C1orf21: variants seen among roughly 807,000 people sequenced by gnomAD.
The protein encoded by C1orf21 is uncharacterized protein C1orf21.
In C1orf21, 3 loss-of-function variants were observed where a neutral mutation model predicts 18.7. The ratio of observed to expected loss-of-function variants is 0.16; its 90% CI spans 0.07 to 0.42. The LOEUF is 0.42. Ranked by LOEUF, C1orf21 falls within the 10% of genes least tolerant of loss-of-function variation. C1orf21 has a pLI of 0.99. For missense variants in C1orf21, 104 were observed against 143.6 expected, an observed-to-expected ratio of 0.72 and a Z score of 1.41; for synonymous variants, 41 against 46.4, an observed-to-expected ratio of 0.88 and a Z score of 0.47.
chr1:184,517,333 T>C (rs527561349), intron 3 of C1orf21, among the ~76,000 whole-genome samples: 8 of 152,324 alleles, frequency 5.3e-5, no homozygotes, highest in African/African-American at 1.9e-4. Flanking sequence ...GAGCAGCTAA[T>C]ATAACAGCAA....
intron 1 of C1orf21, among the ~76,000 whole-genome samples, chr1:184,453,574 C>A (rs895656332): frequency 2.0e-5 from 3 of 152,126 alleles, no homozygotes; most frequent in Admixed American, 6.5e-5. Context: ...ATGTTAATAT[C>A]CTCTCTTCTG....
At chr1:184,420,822 T>A (rs76129736) in intron 1 of C1orf21, among the ~76,000 whole-genome samples, 9 of 152,134 alleles carry the variant, frequency 5.9e-5, no homozygotes, top group Admixed American at 3.9e-4. Flanking sequence ...TTTTTTTTTT[T>A]AAATAAGAAA....
At chr1:184,427,938 T>C (rs553552143) in intron 1 of C1orf21, among the ~76,000 whole-genome samples, 2 of 152,300 alleles carry the variant, frequency 1.3e-5, no homozygotes, top group East Asian at 1.9e-4. Context: ...TTATGTCCAC[T>C]GGACTCCAGG....
At chr1:184,399,235 G>A (rs1473035633) in intron 1 of C1orf21, among the ~76,000 whole-genome samples, 1 of 151,052 alleles carries the variant, frequency 6.6e-6, no homozygotes, top group Non-Finnish European at 1.5e-5. Context: ...CTTTGTTGCT[G>A]TTTTTTATTA....
chr1:184,576,746 G>T (rs1659196407), intron 3 of C1orf21, among the ~76,000 whole-genome samples: 1 of 152,230 alleles, frequency 6.6e-6, no homozygotes, highest in Non-Finnish European at 1.5e-5. Context: ...CATGGGTACT[G>T]CTGCCCGAGT....
chr1:184,499,766 A>G (rs1447868348), intron 2 of C1orf21, among the ~76,000 whole-genome samples: 2 of 152,096 alleles, frequency 1.3e-5, no homozygotes, highest in African/African-American at 4.8e-5. Context: ...CTAACCAACC[A>G]AGGACAAATC....
At chr1:184,466,048 G>C (rs1165337566) in intron 1 of C1orf21, among the ~76,000 whole-genome samples, 1 of 152,136 alleles carries the variant, frequency 6.6e-6, no homozygotes, top group African/African-American at 2.4e-5. Flanking sequence ...CTGTAGGAAA[G>C]AACACCATGT....
At chr1:184,547,355 ATT>A in intron 3 of C1orf21, among the ~76,000 whole-genome samples, 1 of 143,236 alleles carries the variant, frequency 7.0e-6, no homozygotes, top group East Asian at 2.0e-4. Flanking sequence ...AAGTTTAATC[ATT>A]CTTTGCTTAT....
intron 1 of C1orf21, among the ~76,000 whole-genome samples, chr1:184,400,375 T>G (rs144777566): frequency 2.3e-3 from 345 of 152,276 alleles, no homozygotes; most frequent in Middle Eastern, 0.017. Flanking sequence ...TGTACATATG[T>G]GTCCACTCAG....
At chr1:184,491,008 A>G (rs1571383211) in intron 2 of C1orf21, among the ~76,000 whole-genome samples, 1 of 152,182 alleles carries the variant, frequency 6.6e-6, no homozygotes, top group Non-Finnish European at 1.5e-5. Context: ...GTGGCTAATC[A>G]TATTAATTTG....
rs144846272 is a variant in C1orf21, at chr1:184,398,204, C to T, written c.-125+10836C>T. Among the ~76,000 whole-genome samples, 265 of 152,330 alleles carry T rather than the reference C, an allele frequency of 1.7e-3. 6 individuals are homozygous for T. Among genetic ancestry groups the T allele is most frequent in the Non-Finnish European group, 3.2e-4 (22 of 68,030 alleles). On this transcript the variant is annotated intron_variant, in intron 1 of 5. Coordinates refer to ENST00000235307, the MANE Select transcript of C1orf21 (RefSeq NM_030806.4). Reference sequence around the variant, plus strand: ...AGCTAACATGTACTGAGTGATGACTCTGTGCCTAGGTACTGTGCTGAGTAC... The same window carrying T: ...AGCTAACATGTACTGAGTGATGACTTTGTGCCTAGGTACTGTGCTGAGTAC...
At chr1:184,580,890 G>A (rs1659265567) in intron 3 of C1orf21, among the ~76,000 whole-genome samples, 1 of 151,928 alleles carries the variant, frequency 6.6e-6, no homozygotes, top group South Asian at 2.1e-4. Context: ...CATAATACAC[G>A]TTTTCCATGA....
intron 4 of C1orf21, among the ~76,000 whole-genome samples, chr1:184,598,080 C>T (rs977402780): frequency 2.6e-5 from 4 of 151,772 alleles, no homozygotes; most frequent in African/African-American, 9.7e-5. Context: ...GCTGCTTGCT[C>T]ATGCTTTTTT....
intron 1 of C1orf21, among the ~76,000 whole-genome samples, chr1:184,431,984 C>T (rs976525526): frequency 4.6e-5 from 7 of 152,206 alleles, no homozygotes; most frequent in Admixed American, 2.0e-4. Context: ...TACCATCTCA[C>T]GCCAGTTAGA....
At chr1:184,582,451 A>G (rs1659287802) in intron 3 of C1orf21, among the ~76,000 whole-genome samples, 3 of 152,214 alleles carry the variant, frequency 2.0e-5, no homozygotes, top group East Asian at 1.9e-4. Flanking sequence ...GAGAGTCCCA[A>G]TTTAGTGCTT....
rs114512762 is a variant in C1orf21, at chr1:184,552,486, C to T, written c.190-38253C>T. ...TACTGCTGCTGAGAGTGTAAATAGC[C>T]ACAACCTTTCTGGATGAAGATATTG... is the stretch of plus-strand genomic sequence containing the variant. On this transcript the variant is annotated intron_variant, in intron 3 of 5. Coordinates refer to ENST00000235307, the MANE Select transcript of C1orf21 (RefSeq NM_030806.4). 2.5e-3 allele frequency among the ~76,000 whole-genome samples: 384 copies of T among 152,186 alleles called. 3 individuals are homozygous for T. The highest frequency in any genetic ancestry group is 8.7e-3 in the African/African-American group (362 of 41,528).
intron 1 of C1orf21, among the ~76,000 whole-genome samples, chr1:184,430,897 A>G (rs1656751037): frequency 6.6e-6 from 1 of 152,126 alleles, no homozygotes; most frequent in Non-Finnish European, 1.5e-5. Flanking sequence ...TTTTCACGAT[A>G]TTGATTCTTC....
chr1:184,588,692 G>T (rs1358890992), intron 3 of C1orf21, among the ~76,000 whole-genome samples: 3 of 152,182 alleles, frequency 2.0e-5, no homozygotes, highest in African/African-American at 7.2e-5. Context: ...TTAATATTTG[G>T]AAGTGCTTAG....
rs946841969 is a variant in C1orf21 at position 184,484,050 on chromosome 1, A to C, written c.94+6447A>C. Among the ~76,000 whole-genome samples, 4 of 151,898 alleles carry C rather than the reference A, an allele frequency of 2.6e-5. No homozygotes were observed. The South Asian group carries it at 8.4e-4, about 32-fold the overall frequency. On this transcript the variant is annotated intron_variant, in intron 2 of 5. Transcript: ENST00000235307. ...GCAATTCTCTTGCCTCAGCCTCCCA[A>C]GTAGCTGGGATTACAGGCACCCACC...
Sources: allele counts gnomAD v4.1 joint callset (sites outside exome capture counted in the v4.1 genomes callset), GRCh38; gene constraint gnomAD v4.1.1; transcripts MANE v1.5; gene names NCBI Gene and HGNC (gene_info 2026-07-23, HGNC 2026-07-21).